Variants in DCLK1 observed in about 807,000 individuals in gnomAD.
The protein encoded by DCLK1 is doublecortin like kinase 1.
Under a neutral mutation model 86.2 loss-of-function variants are expected in DCLK1, and 16 were observed. That is an observed-to-expected ratio of 0.19 (90% CI 0.13 to 0.28). The LOEUF (loss-of-function observed/expected upper bound fraction) is 0.28, where lower values mean the gene tolerates loss of function less well. Ranked by LOEUF, DCLK1 falls within the 10% of genes least tolerant of loss-of-function variation. The probability of loss-of-function intolerance (pLI) is 1.00; values close to 1 mark genes in which losing one functional copy is unlikely to be tolerated. For synonymous variants in DCLK1, 369 were observed against 370.5 expected, an observed-to-expected ratio of 1.00 and a Z score of 0.05; for missense variants, 590 against 940.2, an observed-to-expected ratio of 0.63 and a Z score of 4.87.
intron 3 of DCLK1, among the ~76,000 whole-genome samples, chr13:36,096,396 T>A (rs923081370): frequency 1.3e-5 from 2 of 152,226 alleles, no homozygotes; most frequent in African/African-American, 4.8e-5. Flanking sequence ...GCCAGCAGCA[T>A]CTTAACACTG....
intron 6 of DCLK1, among the ~76,000 whole-genome samples, chr13:35,853,639 C>T (rs1038886535): frequency 6.6e-6 from 1 of 152,142 alleles, no homozygotes; most frequent in Non-Finnish European, 1.5e-5. Context: ...ACTCAAGAAT[C>T]TTGTGTTTGA....
chr13:35,870,693 T>C (rs977827277), intron 5 of DCLK1, among the ~76,000 whole-genome samples: 1 of 152,202 alleles, frequency 6.6e-6, no homozygotes, highest in African/African-American at 2.4e-5. Context: ...ATCTTGTGCA[T>C]ACACAGCCTC....
intron 7 of DCLK1, among the ~76,000 whole-genome samples, chr13:35,837,386 C>T (rs9601443): frequency 0.018 from 2,812 of 152,210 alleles, 77 homozygotes; most frequent in African/African-American, 0.063. Context: ...CCCTCTTACC[C>T]TGCTAGAAGC....
intron 6 of DCLK1, chr13:35,850,661 T>C: frequency 6.8e-7 from 1 of 1,477,318 alleles, no homozygotes; most frequent in South Asian, 1.5e-5. Flanking sequence ...AGACTTTTGC[T>C]TCAGAAATGT....
chr13:35,938,142 T>A (rs1296578144), intron 4 of DCLK1, among the ~76,000 whole-genome samples: 2 of 152,142 alleles, frequency 1.3e-5, no homozygotes, highest in African/African-American at 4.8e-5. Flanking sequence ...TGAGGAAAGA[T>A]ATACGTCATT....
At chr13:35,986,843 C>T (rs1049511015) in intron 3 of DCLK1, among the ~76,000 whole-genome samples, 2 of 151,954 alleles carry the variant, frequency 1.3e-5, no homozygotes, top group Non-Finnish European at 2.9e-5. Context: ...TGATGATGCG[C>T]GCAATGGGTA....
chr13:35,982,711 C>A (rs902605883), intron 3 of DCLK1, among the ~76,000 whole-genome samples: 1 of 152,088 alleles, frequency 6.6e-6, no homozygotes, highest in Non-Finnish European at 1.5e-5. Context: ...TGTTGCGGAA[C>A]GTTACAAATG....
At chr13:35,827,976 A>G (rs1310234354) in intron 9 of DCLK1, among the ~76,000 whole-genome samples, 1 of 150,616 alleles carries the variant, frequency 6.6e-6, no homozygotes, top group African/African-American at 2.5e-5. Context: ...TGATAACTAC[A>G]GTTTCATAGC....
chr13:35,932,525 T>C (rs995367532), intron 4 of DCLK1, among the ~76,000 whole-genome samples: 1 of 152,214 alleles, frequency 6.6e-6, no homozygotes, highest in Admixed American at 6.5e-5. Context: ...CAGTTCCACA[T>C]GGCTGGGGAA....
chr13:35,771,935 T>G lies in DCLK1; in HGVS notation c.*2600A>C, dbSNP rs2086339990. ...TATCCCAAGAATGTCGAGAAAAAAA[T>G]TAGAAAGCACTGGCTAAAAGCAAAG... On this transcript the variant is annotated 3_prime_UTR_variant, in exon 17 of 17. Transcript: ENST00000360631. 1 of 152,168 alleles carries G rather than the reference T, an allele frequency of 6.6e-6. No individual in the cohort carries two copies. The highest frequency in any genetic ancestry group is 1.5e-5 in the Non-Finnish European group (1 of 68,030). 9.4% of individuals were successfully genotyped at this position (152,168 alleles called of 1,614,324 possible).
chr13:35,815,137 T>C (rs892813067), intron 11 of DCLK1, among the ~76,000 whole-genome samples: 3 of 152,252 alleles, frequency 2.0e-5, no homozygotes, highest in Non-Finnish European at 4.4e-5. Flanking sequence ...AGGAGGGTTT[T>C]ATTTTTGTTT....
intron 3 of DCLK1, among the ~76,000 whole-genome samples, chr13:35,954,841 T>TA (rs201310630): frequency 2.4e-4 from 37 of 151,900 alleles, no homozygotes; most frequent in East Asian, 2.3e-3. Context: ...GACTTTTTTT[T>TA]AAAAAAAATG....
chr13:35,787,888 C>G (rs1306562606), intron 16 of DCLK1: 13 of 353,970 alleles, frequency 3.7e-5, no homozygotes, highest in Non-Finnish European at 6.5e-5. Context: ...GACAGAAGAG[C>G]ACTGGAAATC....
At chr13:35,794,248 G>A (rs1016696191) in intron 15 of DCLK1, among the ~76,000 whole-genome samples, 9 of 152,198 alleles carry the variant, frequency 5.9e-5, no homozygotes, top group African/African-American at 1.9e-4. Context: ...TCAAGGCAGA[G>A]ACTGTGTTTT....
At chr13:36,022,289 C>T (rs953596958) in intron 3 of DCLK1, among the ~76,000 whole-genome samples, 7 of 151,830 alleles carry the variant, frequency 4.6e-5, no homozygotes, top group African/African-American at 1.7e-4. Flanking sequence ...AAAATCATAG[C>T]TGTAAAACCT....
At chr13:36,030,807 G>A (rs1882239460) in intron 3 of DCLK1, among the ~76,000 whole-genome samples, 1 of 152,124 alleles carries the variant, frequency 6.6e-6, no homozygotes, top group Non-Finnish European at 1.5e-5. Flanking sequence ...GCAGCAGAGA[G>A]GCAGGTCCCA....
intron 3 of DCLK1, among the ~76,000 whole-genome samples, chr13:36,046,676 G>A (rs1045409967): frequency 6.4e-4 from 98 of 152,290 alleles, no homozygotes; most frequent in Non-Finnish European, 1.3e-3. Flanking sequence ...CCCCATTCCT[G>A]TAAAGCTAAT....
At chr13:35,897,643 G>T (rs1485760641) in intron 4 of DCLK1, among the ~76,000 whole-genome samples, 1 of 151,746 alleles carries the variant, frequency 6.6e-6, no homozygotes, top group Non-Finnish European at 1.5e-5. Context: ...CACATCATTT[G>T]ACTTTTATGA....
intron 4 of DCLK1, among the ~76,000 whole-genome samples, chr13:35,877,113 C>T: frequency 6.6e-6 from 1 of 152,182 alleles, no homozygotes; most frequent in East Asian, 1.9e-4. Context: ...AAGTATCATT[C>T]CCCACACGAT....
Sources: gnomAD v4.1 joint callset for allele counts (sites outside exome capture counted in the v4.1 genomes callset) on GRCh38, gnomAD v4.1.1 for gene constraint, MANE v1.5 for transcripts, NCBI Gene and HGNC (gene_info 2026-07-23, HGNC 2026-07-21) for gene names.